CAST: variants seen among roughly 807,000 people sequenced by gnomAD.
CAST encodes the protein MIR583 host.
CAST carries 76 observed loss-of-function variants against 119.6 expected under a neutral mutation model. The ratio of observed to expected loss-of-function variants is 0.64; its 90% confidence interval spans 0.53 to 0.77. CAST has a LOEUF of 0.77. CAST is among the 30% of genes least tolerant of loss of function. The pLI is 0.00. For synonymous variants in CAST, 319 were observed against 331.6 expected (o/e 0.96, Z 0.41); for missense variants, 953 against 946.5 (o/e 1.01, Z -0.09).
chr5:96,393,763 T>C, the CAST span, among the ~76,000 whole-genome samples: 4 of 152,350 alleles, frequency 2.6e-5, no homozygotes, highest in East Asian at 5.8e-4. Context: ...ACAAGTCATA[T>C]AGAAGGCACC....
At chr5:96,355,274 T>C in the CAST span, among the ~76,000 whole-genome samples, 8 of 147,370 alleles carry the variant, frequency 5.4e-5, no homozygotes, top group African/African-American at 1.8e-4. Context: ...AGTGAGAACA[T>C]GCGGTGTTTG....
intron 20 of CAST, among the ~76,000 whole-genome samples, chr5:96,753,241 C>T (rs1378695524): frequency 6.6e-6 from 1 of 152,164 alleles, no homozygotes; most frequent in East Asian, 1.9e-4. Flanking sequence ...AACAATCTTC[C>T]TGCCTTGGCC....
the CAST span, among the ~76,000 whole-genome samples, chr5:96,453,352 A>G: frequency 6.6e-6 from 1 of 152,230 alleles, no homozygotes; most frequent in Non-Finnish European, 1.5e-5. Context: ...GTTGGTCTAC[A>G]AAATTATTTT....
the CAST span, among the ~76,000 whole-genome samples, chr5:96,464,070 CAT>C: frequency 1.3e-5 from 2 of 151,976 alleles, no homozygotes; most frequent in East Asian, 3.9e-4. Context: ...CTATGAGAAA[CAT>C]GTGTGATAGA....
the CAST span, among the ~76,000 whole-genome samples, chr5:96,321,365 C>G: frequency 6.6e-6 from 1 of 152,238 alleles, no homozygotes; most frequent in Non-Finnish European, 1.5e-5. Flanking sequence ...GTGAGAATGG[C>G]TTCTGGTTGA....
chr5:96,461,913 G>A, the CAST span, among the ~76,000 whole-genome samples: 1 of 152,100 alleles, frequency 6.6e-6, no homozygotes, highest in South Asian at 2.1e-4. Context: ...GACCAACGCT[G>A]ACTGTAACTG....
chr5:96,378,019 G>A, the CAST span, among the ~76,000 whole-genome samples: 7 of 152,088 alleles, frequency 4.6e-5, no homozygotes, highest in East Asian at 1.2e-3. Context: ...CCATATGGAC[G>A]AACCTGGGGG....
At chr5:96,033,099 A>G in the CAST span, among the ~76,000 whole-genome samples, 1 of 152,090 alleles carries the variant, frequency 6.6e-6, no homozygotes, top group Non-Finnish European at 1.5e-5. Flanking sequence ...AAAAATACTC[A>G]GGAATAAATT....
the CAST span, among the ~76,000 whole-genome samples, chr5:96,499,924 C>T: frequency 3.9e-5 from 6 of 152,248 alleles, no homozygotes; most frequent in Admixed American, 2.6e-4. Context: ...TTCACTTGAA[C>T]ACTTAGAGGT....
chr5:96,334,978 G>A, the CAST span, among the ~76,000 whole-genome samples: 6 of 152,132 alleles, frequency 3.9e-5, no homozygotes, highest in South Asian at 4.2e-4. Flanking sequence ...CTGCATTATC[G>A]TCCTCCAATT....
At chr5:96,323,069 A>G in the CAST span, among the ~76,000 whole-genome samples, 2 of 152,142 alleles carry the variant, frequency 1.3e-5, no homozygotes, top group African/African-American at 2.4e-5. Flanking sequence ...GGCCTGAGGA[A>G]AATTGACTTT....
chr5:96,632,133 A>G (rs1747828018), intron 1 of CAST, among the ~76,000 whole-genome samples: 1 of 151,658 alleles, frequency 6.6e-6, no homozygotes, highest in African/African-American at 2.4e-5. Flanking sequence ...AGTCATTTGT[A>G]TAGTATATAT....
chr5:96,354,537 G>A, the CAST span, among the ~76,000 whole-genome samples: 2 of 151,634 alleles, frequency 1.3e-5, no homozygotes, highest in Admixed American at 6.6e-5. Flanking sequence ...TCCTGATTAT[G>A]GAGATGTTGA....
the CAST span, among the ~76,000 whole-genome samples, chr5:96,013,194 C>CTTT: frequency 1.4e-5 from 2 of 142,802 alleles, no homozygotes; most frequent in Non-Finnish European, 3.1e-5. Context: ...AAAAGGTATG[C>CTTT]TTTTTTTTTT....
chr5:96,267,084 TAGTG>T, the CAST span, among the ~76,000 whole-genome samples: 2 of 152,132 alleles, frequency 1.3e-5, no homozygotes, highest in African/African-American at 4.8e-5. Context: ...AGGAAATAAT[TAGTG>T]AGCCTGAAGA....
chr5:96,038,854 T>C, the CAST span, among the ~76,000 whole-genome samples: 5 of 152,128 alleles, frequency 3.3e-5, no homozygotes, highest in Non-Finnish European at 5.9e-5. Context: ...GTCTTTGTCA[T>C]AGAATGATTT....
At chr5:96,716,945 C>T (rs1456438258) in intron 3 of CAST, among the ~76,000 whole-genome samples, 3 of 152,154 alleles carry the variant, frequency 2.0e-5, no homozygotes, top group Admixed American at 1.3e-4. Context: ...GGCCACTTAG[C>T]AGCCATCCAA....
the CAST span, among the ~76,000 whole-genome samples, chr5:95,972,671 A>G: frequency 6.6e-6 from 1 of 152,156 alleles, no homozygotes. Flanking sequence ...TCTTTCTCTT[A>G]AAGTATCTTT....
chr5:96,563,113 G>C (rs1352103949), intron 1 of CAST, among the ~76,000 whole-genome samples: 1 of 152,122 alleles, frequency 6.6e-6, no homozygotes, highest in Non-Finnish European at 1.5e-5. Context: ...AAACAGGCCT[G>C]CTAAGTTTAC....
Sources: gnomAD v4.1 joint callset for allele counts (sites outside exome capture counted in the v4.1 genomes callset) on GRCh38, gnomAD v4.1.1 for gene constraint, MANE v1.5 for transcripts, NCBI Gene and HGNC (gene_info 2026-07-23, HGNC 2026-07-21) for gene names.